The following EIF3E variants were observed in gnomAD, a reference collection of about 807,000 sequenced individuals.
EIF3E encodes the protein eukaryotic translation initiation factor 3 subunit E, also known as eIF-3 p48.
In EIF3E, 25 loss-of-function variants were observed where a neutral mutation model predicts 59.3. That is an observed-to-expected ratio of 0.42 (90% CI 0.31 to 0.59). EIF3E has a LOEUF of 0.59. Ranked by LOEUF, EIF3E falls within the 20% of genes least tolerant of loss-of-function variation. The pLI, the probability that EIF3E is intolerant of heterozygous loss-of-function variation, is 0.15. For missense variants in EIF3E, 317 were observed against 534.3 expected, an observed-to-expected ratio of 0.59 and a Z score of 4.01; for synonymous variants, 176 against 170.2, an observed-to-expected ratio of 1.03 and a Z score of -0.26.
At chr8:108,217,531 T>C (rs999997261) in intron 7 of EIF3E, 71 bp from the exon 8 acceptor site, 1 of 1,326,544 alleles carries the variant, frequency 7.5e-7, no homozygotes, top group African/African-American at 1.5e-5. Context: ...GAGCAGGTCA[T>C]TAGATTGTAC....
intron 10 of EIF3E, among the ~76,000 whole-genome samples, chr8:108,212,800 TC>T (rs1815236481): frequency 3.8e-5 from 4 of 106,550 alleles, no homozygotes; most frequent in Non-Finnish European, 7.6e-5. Context: ...GGACTGTGTC[TC>T]CCCCCAAAAA....
At chr8:108,225,466 A>C (rs2063479043) in intron 7 of EIF3E, among the ~76,000 whole-genome samples, 1 of 151,438 alleles carries the variant, frequency 6.6e-6, no homozygotes, top group Admixed American at 6.5e-5. Context: ...TGATACTATA[A>C]AATCATGCAT....
chr8:108,228,434 A>ATC, intron 6 of EIF3E, 43 bp from the exon 7 acceptor site: 1 of 1,359,922 alleles, frequency 7.4e-7, no homozygotes, highest in Middle Eastern at 2.7e-4. Flanking sequence ...ATTAATATAT[A>ATC]AGAAAGAGGC....
At chr8:108,222,939 C>G (rs1478133755) in intron 7 of EIF3E, among the ~76,000 whole-genome samples, 1 of 150,306 alleles carries the variant, frequency 6.7e-6, no homozygotes, top group Non-Finnish European at 1.5e-5. Flanking sequence ...CTAGCACAAT[C>G]TTCCCCAACT....
intron 10 of EIF3E, among the ~76,000 whole-genome samples, chr8:108,205,747 G>A (rs770459403): frequency 1.3e-5 from 2 of 150,572 alleles, no homozygotes; most frequent in African/African-American, 2.5e-5. Context: ...GCTATCAAGT[G>A]TCTTGATATC....
intron 5 of EIF3E, 111 bp from the exon 6 acceptor site, chr8:108,229,306 T>C: frequency 9.3e-7 from 1 of 1,074,152 alleles, no homozygotes; most frequent in South Asian, 2.3e-5. Flanking sequence ...TATAGCTTTC[T>C]ACAAAAAACT....
chr8:108,215,645 G>A (rs1460365770), intron 9 of EIF3E, among the ~76,000 whole-genome samples: 1 of 151,938 alleles, frequency 6.6e-6, no homozygotes, highest in Non-Finnish European at 1.5e-5. Context: ...AAAATCATCA[G>A]GGAATGGATA....
At chr8:108,248,587 T>C in intron 1 of EIF3E, 26 bp downstream of exon 1, 4 of 1,612,500 alleles carry the variant, frequency 2.5e-6, no homozygotes, top group Non-Finnish European at 3.4e-6. Context: ...CCCCCACGCC[T>C]TCCTTGCGCC....
chr8:108,219,647 G>A (rs1815367840), intron 7 of EIF3E, among the ~76,000 whole-genome samples: 1 of 152,080 alleles, frequency 6.6e-6, no homozygotes, highest in Non-Finnish European at 1.5e-5. Flanking sequence ...AGGCCGAGGT[G>A]AGAGGACTGC....
intron 1 of EIF3E, among the ~76,000 whole-genome samples, chr8:108,246,398 A>G (rs1024171822): frequency 6.6e-6 from 1 of 152,062 alleles, no homozygotes; most frequent in East Asian, 1.9e-4. Context: ...CTCACTGAAG[A>G]TAACAAAATC....
In EIF3E at chr8:108,228,347, G is replaced by A. The variant is rs1306229720; in HGVS notation, c.642C>T (p.Leu214=). The A allele has an allele frequency of 2.5e-6, 4 of 1,608,050 alleles. No individual in the cohort carries two copies. The highest frequency in any genetic ancestry group is 3.4e-6 in the Non-Finnish European group (4 of 1,176,916). The change falls in exon 7 of 13, where the codon CTC becomes CTT. Residue 214 remains leucine (L), a synonymous_variant. Coordinates refer to ENST00000220849, the MANE Select transcript of EIF3E (RefSeq NM_001568.3). ...PLQSLQQRTW[L]IHWSLFVFFN... ...AGAAAACAAACAGAGACCAGTGAAT[G>A]AGCCATGTTCTCTGCTGAAGAGACT...
intron 7 of EIF3E, among the ~76,000 whole-genome samples, chr8:108,219,841 G>T (rs985587219): frequency 6.6e-6 from 1 of 151,778 alleles, no homozygotes. Flanking sequence ...CTCAAAAAAA[G>T]AAAGAAAAAA....
At chr8:108,207,999 T>G (rs1017586686) in intron 10 of EIF3E, among the ~76,000 whole-genome samples, 16 of 152,128 alleles carry the variant, frequency 1.1e-4, no homozygotes, top group African/African-American at 3.9e-4. Context: ...AGATCCCACT[T>G]AAGGACAGAA....
intron 7 of EIF3E, among the ~76,000 whole-genome samples, chr8:108,219,467 G>A (rs1815365046): frequency 6.6e-6 from 1 of 152,152 alleles, no homozygotes; most frequent in African/African-American, 2.4e-5. Flanking sequence ...TTCTTTCACT[G>A]GGAATAATTT....
intron 1 of EIF3E, chr8:108,243,551 C>T (rs1370308044): frequency 2.0e-5 from 3 of 150,086 alleles, no homozygotes; most frequent in Non-Finnish European, 4.4e-5. Context: ...ATGACGTGAA[C>T]CCAGGAGGTG....
At chr8:108,210,611 T>C (rs1815187928) in intron 10 of EIF3E, among the ~76,000 whole-genome samples, 1 of 152,188 alleles carries the variant, frequency 6.6e-6, no homozygotes, top group South Asian at 2.1e-4. Flanking sequence ...TTTTCTATTA[T>C]TATAGTTTAA....
At chr8:108,232,531 A>G (rs1215017006) in intron 5 of EIF3E, among the ~76,000 whole-genome samples, 2 of 152,200 alleles carry the variant, frequency 1.3e-5, no homozygotes, top group African/African-American at 4.8e-5. Flanking sequence ...TTAAAAAAAT[A>G]AACATAAAAA....
chr8:108,209,672 G>A (rs2129850430), intron 10 of EIF3E, among the ~76,000 whole-genome samples: 1 of 152,254 alleles, frequency 6.6e-6, no homozygotes, highest in South Asian at 2.1e-4. Context: ...TAGGTTGCTA[G>A]TAATTAATTA....
At chr8:108,223,645 CT>C (rs1815462558) in intron 7 of EIF3E, among the ~76,000 whole-genome samples, 1 of 152,158 alleles carries the variant, frequency 6.6e-6, no homozygotes, top group Non-Finnish European at 1.5e-5. Context: ...CAAATGGATT[CT>C]TTTTCCTAAC....
Sources: allele counts gnomAD v4.1 joint callset (sites outside exome capture counted in the v4.1 genomes callset), GRCh38; gene constraint gnomAD v4.1.1; transcripts MANE v1.5; gene names NCBI Gene and HGNC (gene_info 2026-07-23, HGNC 2026-07-21).